TSTD2: variants seen among roughly 807,000 people sequenced by gnomAD.
TSTD2 encodes thiosulfate sulfurtransferase/rhodanese-like domain-containing protein 2.
A neutral mutation model predicts 47.9 loss-of-function variants in TSTD2; 37 were observed. The ratio of observed to expected loss-of-function variants is 0.77; its 90% CI spans 0.59 to 1.02. The LOEUF (loss-of-function observed/expected upper bound fraction) is 1.02, where lower values mean the gene tolerates loss of function less well. TSTD2 is among the 50% of genes least tolerant of loss of function. The probability of loss-of-function intolerance (pLI) is 0.00; values close to 1 mark genes in which losing one functional copy is unlikely to be tolerated. For missense variants in TSTD2, 586 were observed against 616.0 expected, an observed-to-expected ratio of 0.95 and a Z score of 0.52; for synonymous variants, 201 against 215.9, an observed-to-expected ratio of 0.93 and a Z score of 0.61.
intron 3 of TSTD2, among the ~76,000 whole-genome samples, chr9:97,622,563 G>GTA: frequency 6.6e-6 from 1 of 152,330 alleles, no homozygotes; most frequent in Non-Finnish European, 1.5e-5. Flanking sequence ...CCCCAGAATG[G>GTA]TAGATCCACT....
In TSTD2 at chr9:97,625,694, C is replaced by T; in HGVS notation, c.469G>A (p.Asp157Asn). 1 of 1,607,922 alleles carries T rather than the reference C, an allele frequency of 6.2e-7. No homozygotes were observed. Among genetic ancestry groups the T allele is most frequent in the Non-Finnish European group, 8.5e-7 (1 of 1,176,482 alleles). Residue 157 changes from aspartate to asparagine, a missense_variant, in exon 3 of 10, where the codon GAT becomes AAT. Coordinates refer to ENST00000341170, the MANE Select transcript of TSTD2 (RefSeq NM_139246.5). ...WLPDISCFNP[D>N]ELISGQGSEE... Reference sequence around the variant, plus strand: ...TGAAAATCTTACCTTATCAGCTCATCAGGGTTAAAGCAGCTTATATCAGGG... The same window carrying T: ...TGAAAATCTTACCTTATCAGCTCATTAGGGTTAAAGCAGCTTATATCAGGG...
At position 97,610,444 on chromosome 9, in the gene TSTD2, T is replaced by C. The variant is rs771586948; in HGVS notation, c.737A>G (p.Lys246Arg). The change falls in exon 6 of 10, where the codon AAA (lysine) becomes AGA (arginine). Residue 246 changes from lysine (K) to arginine (R), a missense_variant. By Grantham distance (26) the Lys-to-Arg change is conservative (BLOSUM62 2). Coordinates refer to ENST00000341170, the MANE Select transcript of TSTD2 (RefSeq NM_139246.5). ...DLCKDDFKTS[K>R]GGAHCFPELR... is the part of the protein sequence containing the mutation. ...TTCTGGAAAACAGTGAGCTCCTCCT[T>C]TGCTGGTCTAGCCAATGAGAAACAA... 2.2e-5 allele frequency: 35 copies of C among 1,572,124 alleles called. No homozygotes were observed. Among genetic ancestry groups the C allele is most frequent in the Middle Eastern group, 1.7e-4 (1 of 5,902 alleles).
intron 3 of TSTD2, among the ~76,000 whole-genome samples, chr9:97,619,497 C>T (rs567824544): frequency 9.9e-5 from 15 of 152,010 alleles, no homozygotes; most frequent in East Asian, 9.7e-4. Flanking sequence ...ATATGTATTA[C>T]GATTTTCTTT....
At position 97,610,355 on chromosome 9, in the gene TSTD2, TGTAGGA is replaced by T. The variant is rs1826437473; in HGVS notation, c.820_825del (p.Ser274_Tyr275del). On this transcript the variant is annotated inframe_deletion, in exon 6 of 10. Coordinates refer to ENST00000341170, the MANE Select transcript of TSTD2 (RefSeq NM_139246.5). ...CTAAAAGCAAGCATACCAGGCTTCT[TGTAGGA>T]GATCTTTTTGGGGCTGATCCCCATG... 5 of 1,604,402 alleles carry T rather than the reference TGTAGGA, an allele frequency of 3.1e-6. No individual in the cohort carries two copies. The highest frequency in any genetic ancestry group is 1.1e-5 in the South Asian group (1 of 89,208).
At chr9:97,624,117 G>A (rs117830563) in intron 3 of TSTD2, among the ~76,000 whole-genome samples, 2,086 of 152,262 alleles carry the variant, frequency 0.014, 103 homozygotes, top group East Asian at 0.12. Context: ...GATGATCCCT[G>A]ATGATCCTGC....
intron 4 of TSTD2, among the ~76,000 whole-genome samples, chr9:97,613,796 A>G (rs1826495941): frequency 6.6e-6 from 1 of 150,944 alleles, no homozygotes; most frequent in Admixed American, 6.6e-5. Context: ...TCCAGAGAAG[A>G]CACATCAGTT....
At position 97,604,880 on chromosome 9, in the gene TSTD2, A is replaced by G. The variant is rs1826339348; in HGVS notation, c.1114-15T>C. ...TTGCACACTCCCTAGGTGTGGAAAA[A>G]CAACAGGAAATCTGAAGAGCCAGCA... On this transcript the variant is annotated splice_polypyrimidine_tract_variant and intron_variant, in intron 8 of 9. Coordinates refer to ENST00000341170, the MANE Select transcript of TSTD2 (RefSeq NM_139246.5). 2.5e-6 allele frequency: 4 copies of G among 1,612,358 alleles called. No homozygotes were observed. The highest frequency in any genetic ancestry group is 3.4e-6 in the Non-Finnish European group (4 of 1,179,300).
chr9:97,604,902 A>G (rs1433282507), intron 8 of TSTD2, 37 bp from the exon 9 acceptor site: 16 of 1,610,334 alleles, frequency 9.9e-6, no homozygotes, highest in Non-Finnish European at 1.4e-5. Context: ...CTGAAGAGCC[A>G]GCAGAGACCT....
intron 4 of TSTD2, among the ~76,000 whole-genome samples, chr9:97,612,972 A>T (rs1195917291): frequency 1.3e-5 from 2 of 152,252 alleles, no homozygotes; most frequent in African/African-American, 4.8e-5. Context: ...TTTGCTATGG[A>T]GCTACAATAG....
At chr9:97,604,473 G>C in intron 9 of TSTD2, 1 of 427,670 alleles carries the variant, frequency 2.3e-6, no homozygotes, top group Non-Finnish European at 4.1e-6. Flanking sequence ...GGGCAGGTGA[G>C]ATGATCCCCA....
chr9:97,605,334 C>G (rs926646457), intron 8 of TSTD2, 149 bp downstream of exon 8: 23 of 889,666 alleles, frequency 2.6e-5, no homozygotes, highest in African/African-American at 5.1e-5. Flanking sequence ...TACTTACGAA[C>G]TCCATGCTGG....
intron 3 of TSTD2, among the ~76,000 whole-genome samples, chr9:97,619,491 G>A (rs1453160002): frequency 1.3e-5 from 2 of 151,942 alleles, no homozygotes; most frequent in African/African-American, 4.8e-5. Flanking sequence ...TAGTAAATAT[G>A]TATTACGATT....
chr9:97,613,456 C>T (rs1009053995), intron 4 of TSTD2, among the ~76,000 whole-genome samples: 6 of 152,022 alleles, frequency 3.9e-5, no homozygotes, highest in Non-Finnish European at 7.4e-5. Context: ...ATCTCAAGTC[C>T]CATATTCTCT....
intron 3 of TSTD2, among the ~76,000 whole-genome samples, chr9:97,618,473 TTCC>T (rs1826580189): frequency 6.6e-6 from 1 of 152,218 alleles, no homozygotes; most frequent in Non-Finnish European, 1.5e-5. Flanking sequence ...GGGCCTTGGT[TTCC>T]TCATCTGTAA....
intron 4 of TSTD2, among the ~76,000 whole-genome samples, chr9:97,613,697 C>T (rs1826494620): frequency 6.6e-6 from 1 of 152,128 alleles, no homozygotes; most frequent in Non-Finnish European, 1.5e-5. Flanking sequence ...TGATTTAATT[C>T]AAGGTCCTAT....
chr9:97,601,473 A>G lies in TSTD2; in HGVS notation c.*996T>C. ...AAGCTCAGAGAGTAAGTGCTGGGGA[A>G]AGCAGAGCTATCAGAGGAAATCTCT... On this transcript the variant is annotated 3_prime_UTR_variant, in exon 10 of 10. Transcript: ENST00000341170. 1 of 998,008 alleles carries G rather than the reference A, an allele frequency of 1.0e-6. No homozygotes were observed. Among genetic ancestry groups the G allele is most frequent in the Non-Finnish European group, 1.2e-6 (1 of 837,368 alleles). 61.8% of individuals were successfully genotyped at this position (998,008 alleles called of 1,614,324 possible).
At chr9:97,606,299 CA>C (rs759447379) in intron 6 of TSTD2, 38 bp from the exon 7 acceptor site, 5 of 1,321,818 alleles carry the variant, frequency 3.8e-6, no homozygotes, top group Admixed American at 4.2e-5. Flanking sequence ...AAAACAAAGA[CA>C]AAAAAACCAA....
chr9:97,604,797 G>A lies in TSTD2; in HGVS notation c.1182C>T (p.Gly394=). 6.2e-7 allele frequency: 1 copy of A among 1,614,214 alleles called. No homozygotes were observed. Among genetic ancestry groups the A allele is most frequent in the East Asian group, 2.2e-5 (1 of 44,890 alleles). The part of the protein sequence containing the change: ...IHKYLEEFPD[G]FYKGKLFVFD... ...AAACAAACAACTTCCCTTTGTAAAA[G>A]CCATCAGGAAACTCTTCCAGGTACT... The change falls in exon 9 of 10, where the codon GGC becomes GGT. Residue 394 remains glycine, a synonymous_variant. Transcript: ENST00000341170.
intron 3 of TSTD2, among the ~76,000 whole-genome samples, chr9:97,621,958 C>T (rs1217951511): frequency 1.3e-5 from 2 of 152,140 alleles, no homozygotes; most frequent in East Asian, 3.8e-4. Context: ...GGTTTTGTGG[C>T]TCAGGTGGGC....
Sources: gnomAD v4.1 joint callset for allele counts (sites outside exome capture counted in the v4.1 genomes callset) on GRCh38, gnomAD v4.1.1 for gene constraint, MANE v1.5 for transcripts, NCBI Gene and HGNC (gene_info 2026-07-23, HGNC 2026-07-21) for gene names.